NUP155: variants seen among roughly 807,000 people sequenced by gnomAD.
The protein encoded by NUP155 is nuclear pore complex protein Nup155.
In NUP155, 71 loss-of-function variants were observed where a neutral mutation model predicts 180.4. That is an observed-to-expected ratio of 0.39 (90% confidence interval 0.33 to 0.48). The LOEUF is 0.48. Ranked by LOEUF, NUP155 falls within the 20% of genes least tolerant of loss-of-function variation. NUP155 has a pLI of 0.91. For missense variants in NUP155, 1,553 were observed against 1,648.9 expected, an observed-to-expected ratio of 0.94 and a Z score of 1.01; for synonymous variants, 582 against 559.5, an observed-to-expected ratio of 1.04 and a Z score of -0.57.
At chr5:37,366,152 G>C (rs1312710317) in intron 1 of NUP155, among the ~76,000 whole-genome samples, 1 of 152,148 alleles carries the variant, frequency 6.6e-6, no homozygotes, top group Non-Finnish European at 1.5e-5. Context: ...CCATCACTAA[G>C]GACAGGAGTG....
Position 37,288,603 on chromosome 5 carries a change from C to G in NUP155, c.*3297G>C, listed in dbSNP as rs1256204536. The G allele has an allele frequency of 6.6e-6, 1 of 151,870 alleles. No individual in the cohort carries two copies. The highest frequency in any genetic ancestry group is 2.4e-5 in the African/African-American group (1 of 41,336). The allele number at this position is 151,870 out of a possible 1,614,324, so 9.4% of individuals were successfully genotyped here. Reference sequence around the variant, plus strand: ...ATACATTGCCTACATATAATAGTCACTATAAAGAAATAATGGACAGGCATG... The same window carrying G: ...ATACATTGCCTACATATAATAGTCAGTATAAAGAAATAATGGACAGGCATG... On this transcript the variant is annotated 3_prime_UTR_variant, in exon 35 of 35. Coordinates refer to ENST00000231498, the MANE Select transcript of NUP155 (RefSeq NM_153485.3).
chr5:37,343,664 G>A (rs1258839095), intron 9 of NUP155, among the ~76,000 whole-genome samples: 1 of 152,034 alleles, frequency 6.6e-6, no homozygotes, highest in African/African-American at 2.4e-5. Flanking sequence ...GCCGAGACGG[G>A]CAGATAACCT....
chr5:37,368,728 C>T (rs2111768336), intron 1 of NUP155, among the ~76,000 whole-genome samples: 1 of 152,164 alleles, frequency 6.6e-6, no homozygotes, highest in South Asian at 2.1e-4. Context: ...GCAGGAGCAT[C>T]GCTTGAACCT....
chr5:37,325,612 T>A (rs1744543634), intron 19 of NUP155, among the ~76,000 whole-genome samples: 4 of 150,766 alleles, frequency 2.7e-5, no homozygotes, highest in Admixed American at 2.6e-4. Context: ...CTACAAAAAC[T>A]ACAAAAATTA....
At chr5:37,316,294 C>G (rs1743882390) in intron 21 of NUP155, among the ~76,000 whole-genome samples, 1 of 152,092 alleles carries the variant, frequency 6.6e-6, no homozygotes, top group Admixed American at 6.5e-5. Flanking sequence ...ACCTCGAGGA[C>G]AGTATGCTAA....
intron 12 of NUP155, among the ~76,000 whole-genome samples, chr5:37,337,178 G>A (rs1745386538): frequency 6.6e-6 from 1 of 152,008 alleles, no homozygotes; most frequent in Non-Finnish European, 1.5e-5. Flanking sequence ...TAGCAGCCTC[G>A]GTCCTCACCC....
intron 28 of NUP155, 61 bp from the exon 29 acceptor site, chr5:37,302,969 C>A: frequency 1.3e-6 from 2 of 1,536,220 alleles, no homozygotes; most frequent in Non-Finnish European, 1.8e-6. Context: ...GATACAAATA[C>A]GTCAATTAGT....
intron 3 of NUP155, among the ~76,000 whole-genome samples, chr5:37,362,106 CT>C (rs1747259474): frequency 6.6e-6 from 1 of 152,090 alleles, no homozygotes; most frequent in African/African-American, 2.4e-5. Context: ...CTATGGTATT[CT>C]GTTTTAGCAG....
chr5:37,362,388 A>G (rs951983154), intron 3 of NUP155, among the ~76,000 whole-genome samples: 11 of 151,614 alleles, frequency 7.3e-5, no homozygotes, highest in African/African-American at 2.7e-4. Flanking sequence ...TCCCAGGTTC[A>G]AGTGATTCTC....
intron 22 of NUP155, among the ~76,000 whole-genome samples, chr5:37,311,663 ATTTT>A (rs113486759): frequency 7.0e-6 from 1 of 143,064 alleles, no homozygotes; most frequent in Non-Finnish European, 1.5e-5. Context: ...AGGAAAAAGA[ATTTT>A]TTTTTTTTTT....
chr5:37,325,467 T>C (rs926230014), intron 19 of NUP155, among the ~76,000 whole-genome samples: 1 of 152,088 alleles, frequency 6.6e-6, no homozygotes, highest in Non-Finnish European at 1.5e-5. Flanking sequence ...AATGCAAACA[T>C]ATACATAAAA....
chr5:37,290,507 G>C lies in NUP155; in HGVS notation c.*1393C>G, dbSNP rs1742189086. The stretch of plus-strand genomic sequence containing the variant: ...AAAAAAAAAAAGAGAGAAAGGAATA[G>C]AGTGTTTTGTTAGCTCTGGTCATTC... On this transcript the variant is annotated 3_prime_UTR_variant, in exon 35 of 35. Transcript: ENST00000231498. 1 of 151,412 alleles carries C rather than the reference G, an allele frequency of 6.6e-6. No homozygotes were observed. Among genetic ancestry groups the C allele is most frequent in the Admixed American group, 6.6e-5 (1 of 15,176 alleles). 9.4% of individuals were successfully genotyped at this position (151,412 alleles called of 1,614,324 possible). A position where few individuals can be genotyped will look rare whatever the true frequency, so the allele number is the denominator to read the frequency against.
intron 18 of NUP155, 100 bp downstream of exon 18, chr5:37,327,529 T>G (rs1744680030): frequency 7.3e-7 from 1 of 1,366,036 alleles, no homozygotes; most frequent in Admixed American, 1.8e-5. Context: ...AACTAAAATT[T>G]AATAGGAATA....
intron 7 of NUP155, among the ~76,000 whole-genome samples, chr5:37,349,506 T>C (rs1746326526): frequency 6.6e-6 from 1 of 152,170 alleles, no homozygotes; most frequent in African/African-American, 2.4e-5. Flanking sequence ...TTTTGTCCTC[T>C]AAATGAATTT....
At position 37,348,359 on chromosome 5, in the gene NUP155, A is replaced by G. The variant is rs879082404; in HGVS notation, c.995+146T>C. The stretch of plus-strand genomic sequence containing the variant: ...AGGAGTCTCTAACAGCTCCATTTCA[A>G]ACATAATGTAGAGTGTCATCTCTTC... On this transcript the variant is annotated intron_variant, in intron 9 of 34. Transcript: ENST00000231498. 4.7e-6 allele frequency: 3 copies of G among 633,718 alleles called. No individual in the cohort carries two copies. The South Asian group carries it at 5.9e-5, about 12-fold the overall frequency. The allele number at this position is 633,718 out of a possible 1,614,324, so 39.3% of individuals were successfully genotyped here. A position where few individuals can be genotyped will look rare whatever the true frequency, so the allele number is the denominator to read the frequency against.
At position 37,363,972 on chromosome 5, in the gene NUP155, T is replaced by G. The variant is rs755883486; in HGVS notation, c.308A>C (p.Asn103Thr). ...LVEQFGHMQCNCMMGVFPPIS... is the reference protein window; with the variant it reads ...LVEQFGHMQCTCMMGVFPPIS... ...AGGAGGGAACACACCCATCATGCAA[T>G]TACACTGCATATCTGAGGTAGTGTG... Residue 103 changes from asparagine to threonine, a missense_variant, in exon 3 of 35, where the codon AAT becomes ACT. Physicochemically the swap from Asn to Thr is moderately conservative, Grantham distance 65 (BLOSUM62 0). Coordinates refer to ENST00000231498, the MANE Select transcript of NUP155 (RefSeq NM_153485.3). The G allele has an allele frequency of 4.3e-6, 7 of 1,611,624 alleles. 1 individual carries two copies. The South Asian group carries it at 7.7e-5, about 18-fold the overall frequency.
chr5:37,355,764 C>G (rs1249392994), intron 4 of NUP155, among the ~76,000 whole-genome samples: 2 of 151,542 alleles, frequency 1.3e-5, no homozygotes, highest in Non-Finnish European at 2.9e-5. Flanking sequence ...ATTTTTAGTA[C>G]AGATGGGGTT....
chr5:37,294,410 G>A lies in NUP155; in HGVS notation c.3849C>T (p.Gly1283=), dbSNP rs1742407013. The A allele has an allele frequency of 1.2e-6, 2 of 1,611,502 alleles. No homozygotes were observed. Among genetic ancestry groups the A allele is most frequent in the Non-Finnish European group, 1.7e-6 (2 of 1,177,778 alleles). The change falls in exon 33 of 35, where the codon GGC becomes GGT. Residue 1283 remains glycine, a synonymous_variant. Transcript: ENST00000231498. ...QQVCTLNWDV[G]FVIQTMNEIG... Reference sequence around the variant, plus strand: ...TTTCATTCATTGTCTGTATTACGAAGCCCACATCCCAGTTCAAAGTACAAA... The same window carrying A: ...TTTCATTCATTGTCTGTATTACGAAACCCACATCCCAGTTCAAAGTACAAA...
chr5:37,329,202 G>C lies in NUP155; in HGVS notation c.1801C>G (p.Pro601Ala). 1 of 1,612,852 alleles carries C rather than the reference G, an allele frequency of 6.2e-7. No homozygotes were observed. ...GTTCCATACTCACTAGAATAGACAG[G>C]AGACCCCAAGATGGGACCAACATTA... ...PSNVGPILGS[P>A]VYSSSPVPSG... is the part of the protein sequence containing the mutation. Residue 601 changes from proline (P) to alanine (A), a missense_variant, in exon 16 of 35, where the codon CCT (proline) becomes GCT (alanine). Coordinates refer to ENST00000231498, the MANE Select transcript of NUP155 (RefSeq NM_153485.3).
Sources: allele counts gnomAD v4.1 joint callset (sites outside exome capture counted in the v4.1 genomes callset), GRCh38; gene constraint gnomAD v4.1.1; transcripts MANE v1.5; gene names NCBI Gene and HGNC (gene_info 2026-07-23, HGNC 2026-07-21).